The following PITPNB variants were observed in gnomAD, a reference collection of about 807,000 sequenced individuals.
PITPNB encodes the protein phosphatidylinositol transfer protein beta isoform.
A neutral mutation model predicts 45.9 loss-of-function variants in PITPNB; 16 were observed. The observed-to-expected ratio is 0.35, with a 90% CI of 0.24 to 0.53. PITPNB has a LOEUF of 0.53. PITPNB is among the 20% of genes least tolerant of loss of function. The probability of loss-of-function intolerance (pLI) is 0.93; values close to 1 mark genes in which losing one functional copy is unlikely to be tolerated. For missense variants in PITPNB, 188 were observed against 330.5 expected, an observed-to-expected ratio of 0.57 and a Z score of 3.34; for synonymous variants, 112 against 108.9, an observed-to-expected ratio of 1.03 and a Z score of -0.18.
chr22:27,904,890 A>G (rs1015873129), intron 3 of PITPNB, among the ~76,000 whole-genome samples: 1 of 152,230 alleles, frequency 6.6e-6, no homozygotes, highest in Admixed American at 6.5e-5. Context: ...GAGAATTACA[A>G]AAAACAAAGA....
chr22:27,890,756 G>A (rs1453589739), intron 7 of PITPNB, among the ~76,000 whole-genome samples: 1 of 152,230 alleles, frequency 6.6e-6, no homozygotes, highest in Non-Finnish European at 1.5e-5. Flanking sequence ...GGAGCTTGCA[G>A]TGAGCCGAGA....
chr22:27,885,891 G>A (rs546840726), intron 7 of PITPNB, among the ~76,000 whole-genome samples: 3 of 152,120 alleles, frequency 2.0e-5, no homozygotes, highest in Non-Finnish European at 2.9e-5. Flanking sequence ...CTTATGCCAC[G>A]CCATGCATCC....
intron 2 of PITPNB, among the ~76,000 whole-genome samples, chr22:27,912,089 A>G (rs1414553036): frequency 2.0e-5 from 3 of 152,212 alleles, no homozygotes; most frequent in African/African-American, 7.2e-5. Flanking sequence ...CTTCTTTATA[A>G]GCATATTTTC....
At chr22:27,867,255 TG>T (rs774167434) in intron 8 of PITPNB, among the ~76,000 whole-genome samples, 1 of 148,352 alleles carries the variant, frequency 6.7e-6, no homozygotes, top group Non-Finnish European at 1.5e-5. Flanking sequence ...ATGGAGGAGG[TG>T]GGGGGAAGGA....
At chr22:27,873,492 C>T (rs991384044) in intron 8 of PITPNB, among the ~76,000 whole-genome samples, 1 of 152,212 alleles carries the variant, frequency 6.6e-6, no homozygotes, top group Admixed American at 6.5e-5. Flanking sequence ...GACTAAATCA[C>T]TTGTCTCTTT....
chr22:27,876,880 G>A (rs1444945343), intron 7 of PITPNB, among the ~76,000 whole-genome samples: 1 of 152,226 alleles, frequency 6.6e-6, no homozygotes, highest in Non-Finnish European at 1.5e-5. Context: ...CATGGGGAAA[G>A]GGGAGGCTCT....
At chr22:27,908,955 A>G (rs1330667467) in intron 3 of PITPNB, among the ~76,000 whole-genome samples, 1 of 152,220 alleles carries the variant, frequency 6.6e-6, no homozygotes, top group African/African-American at 2.4e-5. Flanking sequence ...ATGTGTCACT[A>G]TAAACCAAGG....
Position 27,873,718 on chromosome 22 carries a change from G to A in PITPNB, c.534+20C>T, listed in dbSNP as rs1311000439. On this transcript the variant is annotated intron_variant, in intron 8 of 11. Transcript: ENST00000335272. ...TCTGTTGCCAAGACTCTGCCTGTCAGAAAGGTCAGCATCCAGTACCTTCCA... is the reference window on the plus strand; with the variant it reads ...TCTGTTGCCAAGACTCTGCCTGTCAAAAAGGTCAGCATCCAGTACCTTCCA... The A allele has an allele frequency of 6.6e-7, 1 of 1,506,570 alleles. No individual in the cohort carries two copies. Among genetic ancestry groups the A allele is most frequent in the Non-Finnish European group, 9.2e-7 (1 of 1,082,060 alleles). 93.3% of individuals were successfully genotyped at this position (1,506,570 alleles called of 1,614,324 possible).
intron 7 of PITPNB, 129 bp downstream of exon 7, chr22:27,894,426 C>T (rs377297929): frequency 6.2e-5 from 37 of 599,956 alleles, no homozygotes; most frequent in African/African-American, 2.6e-4. Flanking sequence ...AAGCTCACTT[C>T]GGCATAGAAA....
chr22:27,892,975 T>A (rs1935324653), intron 7 of PITPNB, among the ~76,000 whole-genome samples: 1 of 152,182 alleles, frequency 6.6e-6, no homozygotes, highest in Admixed American at 6.5e-5. Context: ...ACCTTTAAAT[T>A]TCAACAGCAA....
intron 7 of PITPNB, among the ~76,000 whole-genome samples, chr22:27,889,922 CT>C (rs1233610090): frequency 6.6e-6 from 1 of 152,210 alleles, no homozygotes; most frequent in African/African-American, 2.4e-5. Context: ...AACTAATTAA[CT>C]TAACAGAAAA....
At position 27,897,172 on chromosome 22, in the gene PITPNB, GA is replaced by G. The variant is rs1479370633; in HGVS notation, c.290-36del. The G allele has an allele frequency of 2.0e-6, 3 of 1,496,582 alleles. No homozygotes were observed. The South Asian group carries it at 3.4e-5, about 17-fold the overall frequency. The allele number at this position is 1,496,582 out of a possible 1,614,324, so 92.7% of individuals were successfully genotyped here. On this transcript the variant is annotated intron_variant, in intron 4 of 11. Transcript: ENST00000335272. The stretch of plus-strand genomic sequence containing the variant: ...AATGGAGAGGTAGGTAATGAAAGGA[GA>G]AAAATTTCAGAATATTAATTGGAGT...
chr22:27,865,128 T>G (rs1934447341), intron 8 of PITPNB, among the ~76,000 whole-genome samples: 1 of 152,180 alleles, frequency 6.6e-6, no homozygotes, highest in African/African-American at 2.4e-5. Flanking sequence ...ATTTTTTTCT[T>G]TTGTGTACAA....
chr22:27,861,933 T>C (rs1461383065), intron 8 of PITPNB, among the ~76,000 whole-genome samples: 1 of 152,150 alleles, frequency 6.6e-6, no homozygotes. Context: ...TTTGAACAAA[T>C]TGCCTCATAA....
At position 27,896,382 on chromosome 22, in the gene PITPNB, TAGGGAA is replaced by T. The variant is rs575299297; in HGVS notation, c.372+164_372+169del. ...CAAAGTGTCAAGGCAAGCGGACTGA[TAGGGAA>T]AGCCTATTTGGTTTCTGGCTGCTTG... On this transcript the variant is annotated intron_variant, in intron 6 of 11. Transcript: ENST00000335272. 4.7e-4 allele frequency among the ~76,000 whole-genome samples: 72 copies of T among 152,344 alleles called. No individual in the cohort carries two copies. The South Asian group carries it at 7.5e-3, about 16-fold the overall frequency.
At chr22:27,900,489 G>A (rs1233800640) in intron 3 of PITPNB, among the ~76,000 whole-genome samples, 2 of 152,034 alleles carry the variant, frequency 1.3e-5, no homozygotes, top group African/African-American at 4.8e-5. Context: ...TTCCCACCAT[G>A]TGAATTCCAG....
intron 11 of PITPNB, 32 bp downstream of exon 11, chr22:27,854,822 C>T (rs730647): frequency 0.18 from 246,005 of 1,403,928 alleles, 23,037 homozygotes; most frequent in South Asian, 0.29. Flanking sequence ...GTACAGGTTT[C>T]GAAACATCTT....
chr22:27,912,108 A>C (rs1420407289), intron 2 of PITPNB, among the ~76,000 whole-genome samples: 1 of 152,228 alleles, frequency 6.6e-6, no homozygotes, highest in Non-Finnish European at 1.5e-5. Flanking sequence ...TCAAAGAAAA[A>C]CTACAAAAAT....
intron 7 of PITPNB, among the ~76,000 whole-genome samples, chr22:27,888,364 C>T (rs1935183267): frequency 6.6e-6 from 1 of 152,190 alleles, no homozygotes; most frequent in South Asian, 2.1e-4. Flanking sequence ...TTTGCTGGGT[C>T]AACAGGCTAT....
Sources: gnomAD v4.1 joint callset for allele counts (sites outside exome capture counted in the v4.1 genomes callset) on GRCh38, gnomAD v4.1.1 for gene constraint, MANE v1.5 for transcripts, NCBI Gene and HGNC (gene_info 2026-07-23, HGNC 2026-07-21) for gene names.